GNAL: variants seen among roughly 807,000 people sequenced by gnomAD.
GNAL encodes the protein G protein subunit alpha L, also known as guanine nucleotide-binding protein G(olf) subunit alpha.
Under a neutral mutation model 55.1 loss-of-function variants are expected in GNAL, and 18 were observed. The observed-to-expected ratio is 0.33, with a 90% CI of 0.23 to 0.48. GNAL has a LOEUF of 0.48. GNAL is among the 20% of genes least tolerant of loss of function. The pLI, the probability that GNAL is intolerant of heterozygous loss-of-function variation, is 0.99. For synonymous variants in GNAL, 253 were observed against 237.0 expected (o/e 1.07, Z -0.62); for missense variants, 412 against 614.1 (o/e 0.67, Z 3.48).
chr18:11,751,926 G>T lies in GNAL; in HGVS notation c.377-927G>T, dbSNP rs1044542098. Among the ~76,000 whole-genome samples the T allele has an allele frequency of 6.6e-6, 1 of 152,178 alleles. No individual in the cohort carries two copies. The highest frequency in any genetic ancestry group is 2.1e-4 in the South Asian group (1 of 4,834). On this transcript the variant is annotated intron_variant, in intron 1 of 11. Transcript: ENST00000334049. This position sits in a 1 kb window ranked among gnomAD's most constrained non-coding sequence, Gnocchi z 4.5. ...GCCGGCCCGGCAGGTGCCCATCGTC[G>T]CCCTCTGGGACCCCGGTGGCGCGCT...
chr18:11,884,212 A>G lies in GNAL; in HGVS notation c.*3077A>G. 7.9e-6 allele frequency: 4 copies of G among 507,628 alleles called. No homozygotes were observed. Among genetic ancestry groups the G allele is most frequent in the Admixed American group, 3.2e-5 (1 of 30,774 alleles). 31.4% of individuals were successfully genotyped at this position (507,628 alleles called of 1,614,324 possible). A position where few individuals can be genotyped will look rare whatever the true frequency, so the allele number is the denominator to read the frequency against. ...ACAGATGCAACCTTTGATGATACATATATTTGATAAAAATGAGAAAACAGA... is the reference window on the plus strand; with the variant it reads ...ACAGATGCAACCTTTGATGATACATGTATTTGATAAAAATGAGAAAACAGA... On this transcript the variant is annotated 3_prime_UTR_variant, in exon 12 of 12. Transcript: ENST00000334049.
chr18:11,730,335 T>C (rs942230395), intron 1 of GNAL, among the ~76,000 whole-genome samples: 7 of 151,898 alleles, frequency 4.6e-5, no homozygotes, highest in Non-Finnish European at 8.8e-5. Flanking sequence ...ATTTTTGTAG[T>C]TTTAGTAGAG....
intron 5 of GNAL, among the ~76,000 whole-genome samples, chr18:11,861,223 C>T (rs2036127516): frequency 6.6e-6 from 1 of 152,164 alleles, no homozygotes; most frequent in African/African-American, 2.4e-5. Context: ...CCAGCACCAA[C>T]AGAGAGCCTG....
rs2034059621 is a variant in GNAL at position 11,786,436 on chromosome 18, C to CCTTT, written c.624+32491_624+32492insCTTT. Among the ~76,000 whole-genome samples, 7 of 60,682 alleles carry CCTTT rather than the reference C, an allele frequency of 1.2e-4. 1 individual carries two copies. The highest frequency in any genetic ancestry group is 4.2e-4 in the African/African-American group (6 of 14,268). 39.8% of individuals were successfully genotyped at this position (60,682 alleles called of 152,430 possible). A position where few individuals can be genotyped will look rare whatever the true frequency, so the allele number is the denominator to read the frequency against. On this transcript the variant is annotated intron_variant, in intron 4 of 11. Transcript: ENST00000334049. ...GGTGGGATAGATCTTCATACGTTTT[C>CCTTT]TTTTTTTTTTTTTTTTTTTTTTTTT...
In GNAL at chr18:11,880,306, T is replaced by C. The variant is rs7241883; in HGVS notation, c.1231-683T>C. 2.7e-3 allele frequency among the ~76,000 whole-genome samples: 386 copies of C among 141,656 alleles called. 3 individuals carry two copies. The highest frequency in any genetic ancestry group is 9.0e-3 in the African/African-American group (347 of 38,414). The allele number at this position is 141,656 out of a possible 152,430, so 92.9% of individuals were successfully genotyped here. A position where few individuals can be genotyped will look rare whatever the true frequency, so the allele number is the denominator to read the frequency against. On this transcript the variant is annotated intron_variant, in intron 11 of 11. Transcript: ENST00000334049. Reference sequence around the variant, plus strand: ...TAATTAGGTGGGGCACAGTGGCTCATGCCTATAATCCCAGCACTTTGGGAG... The same window carrying C: ...TAATTAGGTGGGGCACAGTGGCTCACGCCTATAATCCCAGCACTTTGGGAG...
chr18:11,740,051 T>C (rs929741406), intron 1 of GNAL, among the ~76,000 whole-genome samples: 4 of 152,154 alleles, frequency 2.6e-5, no homozygotes, highest in African/African-American at 9.7e-5. Context: ...TGCCTTTGGC[T>C]AGAGTCCTCC....
intron 5 of GNAL, among the ~76,000 whole-genome samples, chr18:11,828,505 TTAA>T (rs1369437453): frequency 6.6e-6 from 1 of 152,236 alleles, no homozygotes; most frequent in Non-Finnish European, 1.5e-5. Context: ...AAAGCAGTTC[TTAA>T]TAATATTAAA....
chr18:11,848,510 G>GCT (rs1201085518), intron 5 of GNAL, among the ~76,000 whole-genome samples: 5 of 147,756 alleles, frequency 3.4e-5, no homozygotes, highest in African/African-American at 5.0e-5. Context: ...AGGCTGTAGT[G>GCT]CACTGGCGTG....
intron 5 of GNAL, among the ~76,000 whole-genome samples, chr18:11,836,232 A>C (rs536962099): frequency 1.2e-3 from 177 of 152,154 alleles, no homozygotes; most frequent in Non-Finnish European, 1.7e-3. Flanking sequence ...GGATCCCCTG[A>C]GGTTGGGAGG....
chr18:11,720,980 AG>A (rs1221143901), intron 1 of GNAL, among the ~76,000 whole-genome samples: 1 of 152,248 alleles, frequency 6.6e-6, no homozygotes. Flanking sequence ...GAATTACTTA[AG>A]AAACAGGTCT....
At chr18:11,748,063 T>A (rs374970732) in intron 1 of GNAL, among the ~76,000 whole-genome samples, 11 of 152,178 alleles carry the variant, frequency 7.2e-5, no homozygotes, top group East Asian at 3.9e-4. Flanking sequence ...GCTGATCCAA[T>A]GGTTCTAAAC....
chr18:11,814,990 G>A (rs2034918409), intron 4 of GNAL, among the ~76,000 whole-genome samples: 1 of 152,092 alleles, frequency 6.6e-6, no homozygotes, highest in African/African-American at 2.4e-5. Context: ...GAGGGAATTG[G>A]AAGAAGCTGA....
intron 1 of GNAL, among the ~76,000 whole-genome samples, chr18:11,740,112 G>A (rs2032545041): frequency 6.6e-6 from 1 of 151,660 alleles, no homozygotes; most frequent in East Asian, 1.9e-4. Context: ...TCTGTCTGTT[G>A]TTGGCAGGGA....
intron 1 of GNAL, among the ~76,000 whole-genome samples, chr18:11,705,297 T>C (rs1330093112): frequency 6.6e-6 from 1 of 152,248 alleles, no homozygotes; most frequent in Non-Finnish European, 1.5e-5. Flanking sequence ...TTTTCTTTTT[T>C]AAGGTTGAAT....
At chr18:11,706,985 G>A (rs548660947) in intron 1 of GNAL, among the ~76,000 whole-genome samples, 1 of 152,254 alleles carries the variant, frequency 6.6e-6, no homozygotes, top group East Asian at 1.9e-4. Context: ...ATGGCATCTA[G>A]AATTGTGAAT....
intron 7 of GNAL, 110 bp from the exon 8 acceptor site, chr18:11,867,058 G>A: frequency 1.2e-6 from 1 of 817,434 alleles, no homozygotes; most frequent in Non-Finnish European, 2.1e-6. Flanking sequence ...CTTGACTCAA[G>A]ACCCATGTGT....
At chr18:11,796,734 C>A (rs1410294708) in intron 4 of GNAL, among the ~76,000 whole-genome samples, 1 of 151,982 alleles carries the variant, frequency 6.6e-6, no homozygotes, top group African/African-American at 2.4e-5. Context: ...TGATTTCAAA[C>A]CTGCTTTTTA....
intron 4 of GNAL, among the ~76,000 whole-genome samples, chr18:11,797,208 A>G (rs2143478454): frequency 6.6e-6 from 1 of 152,290 alleles, no homozygotes; most frequent in East Asian, 1.9e-4. Context: ...CTGGGATTAC[A>G]GGCGTGAGCC....
chr18:11,770,098 A>G (rs2033587003), intron 4 of GNAL, among the ~76,000 whole-genome samples: 1 of 152,186 alleles, frequency 6.6e-6, no homozygotes, highest in African/African-American at 2.4e-5. Context: ...ATAAAGCATT[A>G]TTAAATATTC....
Sources: gnomAD v4.1 joint callset for allele counts (sites outside exome capture counted in the v4.1 genomes callset) on GRCh38, gnomAD v4.1.1 for gene constraint, Gnocchi (gnomAD v3.1) non-coding constraint, MANE v1.5 for transcripts, NCBI Gene and HGNC (gene_info 2026-07-23, HGNC 2026-07-21) for gene names.